Variants in DNAH10 observed in about 807,000 individuals in gnomAD.
DNAH10 encodes dynein axonemal heavy chain 10.
DNAH10 carries 348 observed loss-of-function variants against 506.6 expected under a neutral mutation model. That is an observed-to-expected ratio of 0.69 (90% CI 0.63 to 0.75). DNAH10 has a LOEUF of 0.75. DNAH10 is among the 30% of genes least tolerant of loss of function. The pLI is 0.00. For missense variants in DNAH10, 5,179 were observed against 5,787.1 expected (o/e 0.89, Z 3.41); for synonymous variants, 2,059 against 2,198.6 (o/e 0.94, Z 1.78).
At chr12:123,912,614 C>A (rs1250516911) in intron 59 of DNAH10, among the ~76,000 whole-genome samples, 2 of 152,138 alleles carry the variant, frequency 1.3e-5, no homozygotes, top group Non-Finnish European at 2.9e-5. Flanking sequence ...CAGTACCAAA[C>A]GTCCCCTGGG....
intron 32 of DNAH10, among the ~76,000 whole-genome samples, chr12:123,847,482 A>C (rs1594182691): frequency 6.6e-6 from 1 of 152,272 alleles, no homozygotes; most frequent in South Asian, 2.1e-4. Context: ...TCTGACAGTG[A>C]GAGAGCCAAT....
At position 123,868,120 on chromosome 12, in the gene DNAH10, G is replaced by A. The variant is rs1353502871; in HGVS notation, c.7519+1G>A. On this transcript the variant is annotated splice_donor_variant, in intron 43 of 78. Coordinates refer to ENST00000673944, the MANE Select transcript of DNAH10 (RefSeq NM_001372106.1). LOFTEE classifies it high-confidence loss of function. ...TGGGCCAACCCTGGGGAACTGCCAG[G>A]TGGGAACCGAGTGTCGCCTGTTTCC... 3.1e-6 allele frequency: 5 copies of A among 1,612,010 alleles called. No individual in the cohort carries two copies. Among genetic ancestry groups the A allele is most frequent in the Non-Finnish European group, 3.4e-6 (4 of 1,179,580 alleles).
chr12:123,803,539 G>A, intron 16 of DNAH10, 122 bp from the exon 17 acceptor site: 2 of 983,416 alleles, frequency 2.0e-6, no homozygotes, highest in Non-Finnish European at 2.9e-6. Flanking sequence ...GACCCAAGGG[G>A]TTGGAATGAG....
At position 123,935,520 on chromosome 12, in the gene DNAH10, T is replaced by G; in HGVS notation, c.*39T>G. The stretch of plus-strand genomic sequence containing the variant: ...AAAACTGCTTAATGAATTCGGAGCC[T>G]GGGGTTGTCAGAGTGATCGGGTCTG... On this transcript the variant is annotated 3_prime_UTR_variant, in exon 79 of 79. Coordinates refer to ENST00000673944, the MANE Select transcript of DNAH10 (RefSeq NM_001372106.1). The G allele has an allele frequency of 1.3e-6, 2 of 1,534,048 alleles. No individual in the cohort carries two copies. The highest frequency in any genetic ancestry group is 1.8e-6 in the Non-Finnish European group (2 of 1,130,298).
chr12:123,812,383 A>C (rs2136350769), intron 19 of DNAH10, among the ~76,000 whole-genome samples: 1 of 152,236 alleles, frequency 6.6e-6, no homozygotes, highest in Middle Eastern at 3.4e-3. Context: ...CCCAGGAGGC[A>C]GAGCTTGCAG....
intron 43 of DNAH10, among the ~76,000 whole-genome samples, chr12:123,869,180 T>C (rs1951927913): frequency 6.6e-6 from 1 of 152,176 alleles, no homozygotes; most frequent in African/African-American, 2.4e-5. Context: ...CCTCTGAGAC[T>C]CGGGCCACAT....
intron 40 of DNAH10, 92 bp from the exon 41 acceptor site, chr12:123,865,859 G>A: frequency 7.7e-7 from 1 of 1,305,862 alleles, no homozygotes; most frequent in Non-Finnish European, 1.0e-6. Context: ...ATTTCATGCA[G>A]TTGTAAAAAC....
intron 52 of DNAH10, among the ~76,000 whole-genome samples, chr12:123,888,214 GA>G (rs139665936): frequency 2.4e-4 from 35 of 148,766 alleles, no homozygotes; most frequent in Non-Finnish European, 1.3e-4. Flanking sequence ...TCTCCAAAAA[GA>G]AAAAAAAACA....
Position 123,907,945 on chromosome 12 carries a change from C to T in DNAH10, c.9816-1316C>T, listed in dbSNP as rs1347681100. 3.3e-5 allele frequency among the ~76,000 whole-genome samples: 5 copies of T among 152,110 alleles called. No homozygotes were observed. Among genetic ancestry groups the T allele is most frequent in the Non-Finnish European group, 7.4e-5 (5 of 68,008 alleles). On this transcript the variant is annotated intron_variant, in intron 57 of 78. Transcript: ENST00000673944. This position sits in a 1 kb window ranked among gnomAD's most constrained non-coding sequence, Gnocchi z 4.4. ...CTCCTGGCTGTTGCCCTGGCTTGTC[C>T]GTACACTATGGGGCCTTCTCTCCTC...
At chr12:123,770,579 C>T (rs946476637) in intron 2 of DNAH10, among the ~76,000 whole-genome samples, 5 of 151,058 alleles carry the variant, frequency 3.3e-5, no homozygotes, top group African/African-American at 9.7e-5. Context: ...TTGCCAACCA[C>T]GGTGCCAATG....
rs992916675 is a variant in DNAH10, at chr12:123,765,785, C to T, written c.215-1821C>T. Among the ~76,000 whole-genome samples the T allele has an allele frequency of 2.1e-5, 3 of 143,036 alleles. No homozygotes were observed. In the East Asian group the frequency reaches 5.9e-4, roughly 28 times the overall value. The allele number at this position is 143,036 out of a possible 152,430, so 93.8% of individuals were successfully genotyped here. A position where few individuals can be genotyped will look rare whatever the true frequency, so the allele number is the denominator to read the frequency against. On this transcript the variant is annotated intron_variant, in intron 1 of 78. Transcript: ENST00000673944. ...CCTACCTACCTATACATCTATCTAT[C>T]TCTGTCTATACATCTATCTACCTAC...
At chr12:123,812,070 A>T (rs375244836) in intron 19 of DNAH10, among the ~76,000 whole-genome samples, 4 of 152,210 alleles carry the variant, frequency 2.6e-5, no homozygotes, top group South Asian at 4.1e-4. Flanking sequence ...AGTAGTTGTT[A>T]TTCACATTTT....
chr12:123,927,143 A>C, intron 69 of DNAH10: 1 of 304,446 alleles, frequency 3.3e-6, no homozygotes, highest in Non-Finnish European at 6.0e-6. Flanking sequence ...CCTGATTGTG[A>C]AGTGATCGTC....
At chr12:123,827,570 G>A (rs1960121330) in intron 25 of DNAH10, among the ~76,000 whole-genome samples, 1 of 152,286 alleles carries the variant, frequency 6.6e-6, no homozygotes, top group East Asian at 1.9e-4. Context: ...ACACAGACAC[G>A]AATTAGGAGT....
At chr12:123,789,351 C>A (rs896193109) in intron 10 of DNAH10, among the ~76,000 whole-genome samples, 1 of 151,932 alleles carries the variant, frequency 6.6e-6, no homozygotes, top group Non-Finnish European at 1.5e-5. Flanking sequence ...ATAGAACTAC[C>A]TCAGTGGTTT....
intron 57 of DNAH10, among the ~76,000 whole-genome samples, chr12:123,908,075 C>T (rs1288017551): frequency 1.5e-5 from 2 of 130,730 alleles, no homozygotes; most frequent in East Asian, 4.0e-4. Flanking sequence ...CTGTCTCCTC[C>T]CTGTCTCTCT....
chr12:123,918,991 G>A (rs905849193), intron 65 of DNAH10, 42 bp downstream of exon 65: 3 of 1,519,408 alleles, frequency 2.0e-6, no homozygotes, highest in Middle Eastern at 1.8e-4. Flanking sequence ...GTGTAGTTTG[G>A]TGTGCCAGAC....
intron 3 of DNAH10, 63 bp from the exon 4 acceptor site, chr12:123,772,771 T>C: frequency 4.0e-6 from 5 of 1,242,422 alleles, no homozygotes; most frequent in Non-Finnish European, 5.7e-6. Flanking sequence ...TACTTGAATA[T>C]TAGGTTCTTT....
At chr12:123,920,898 T>C (rs1284220328) in intron 65 of DNAH10, among the ~76,000 whole-genome samples, 2 of 152,220 alleles carry the variant, frequency 1.3e-5, no homozygotes, top group Admixed American at 1.3e-4. Flanking sequence ...GCCTCCTCAG[T>C]AGCTGGGACT....
Sources: gnomAD v4.1 joint callset for allele counts (sites outside exome capture counted in the v4.1 genomes callset) on GRCh38, gnomAD v4.1.1 for gene constraint, Gnocchi (gnomAD v3.1) non-coding constraint, MANE v1.5 for transcripts, NCBI Gene and HGNC (gene_info 2026-07-23, HGNC 2026-07-21) for gene names.